Variants in PPFIA1 observed in about 807,000 individuals in gnomAD.
PPFIA1 encodes the protein liprin-alpha-1.
A neutral mutation model predicts 149.9 loss-of-function variants in PPFIA1; 25 were observed. The observed-to-expected ratio is 0.17, with a 90% CI of 0.12 to 0.23. The LOEUF (loss-of-function observed/expected upper bound fraction) is 0.23, where lower values mean the gene tolerates loss of function less well. PPFIA1 is among the 10% of genes least tolerant of loss of function. The pLI, the probability that PPFIA1 is intolerant of heterozygous loss-of-function variation, is 1.00. For missense variants in PPFIA1, 1,362 were observed against 1,506.5 expected, an observed-to-expected ratio of 0.90 and a Z score of 1.59; for synonymous variants, 549 against 552.8, an observed-to-expected ratio of 0.99 and a Z score of 0.10.
chr11:70,317,412 A>G (rs35902797), intron 2 of PPFIA1, among the ~76,000 whole-genome samples: 2,141 of 152,286 alleles, frequency 0.014, 22 homozygotes, highest in Non-Finnish European at 0.023. Flanking sequence ...GCAGAGAGAA[A>G]GGTTTTTTTC....
intron 2 of PPFIA1, among the ~76,000 whole-genome samples, chr11:70,283,059 T>C (rs60197999): frequency 0.22 from 33,113 of 149,970 alleles, 5,528 homozygotes; most frequent in African/African-American, 0.47. Flanking sequence ...AGGCTAGTCT[T>C]GAACTTCTGA....
intron 2 of PPFIA1, among the ~76,000 whole-genome samples, chr11:70,293,272 C>CCAGAA (rs988791782): frequency 6.6e-6 from 1 of 152,184 alleles, no homozygotes; most frequent in African/African-American, 2.4e-5. Context: ...TCCCCTTCTT[C>CCAGAA]ATTGCTTTTT....
At chr11:70,336,309 C>T (rs1177193492) in intron 11 of PPFIA1, among the ~76,000 whole-genome samples, 1 of 152,166 alleles carries the variant, frequency 6.6e-6, no homozygotes, top group East Asian at 1.9e-4. Context: ...CAAGACCAGC[C>T]TGGCCAACAT....
chr11:70,355,241 C>T (rs892255520), intron 17 of PPFIA1, among the ~76,000 whole-genome samples: 2 of 152,090 alleles, frequency 1.3e-5, no homozygotes, highest in Non-Finnish European at 2.9e-5. Context: ...GGTTCTGTGC[C>T]AGGCAATATG....
intron 2 of PPFIA1, among the ~76,000 whole-genome samples, chr11:70,295,501 T>TG (rs1298837154): frequency 3.8e-5 from 2 of 52,824 alleles, no homozygotes; most frequent in East Asian, 8.5e-4. Context: ...GCTGGCCGGG[T>TG]GGGGGGGCTG....
At chr11:70,315,061 C>T (rs2053518709) in intron 2 of PPFIA1, among the ~76,000 whole-genome samples, 2 of 152,298 alleles carry the variant, frequency 1.3e-5, no homozygotes, top group Admixed American at 6.5e-5. Context: ...GGTAACCGCC[C>T]TCATGATCCA....
intron 9 of PPFIA1, 137 bp from the exon 10 acceptor site, chr11:70,333,333 A>G: frequency 1.4e-6 from 1 of 705,432 alleles, no homozygotes. Context: ...GTGTTGATGG[A>G]TGAGTACATG....
rs555189414 is a variant in PPFIA1 at position 70,320,702 on chromosome 11, G to C, written c.265-3700G>C. ...TCCTCCAACCTTGGCCTCCCAAAGT[G>C]CTGAGATTACAGGCAAGAGCCACCA... is the stretch of plus-strand genomic sequence containing the variant. On this transcript the variant is annotated intron_variant, in intron 2 of 27. Coordinates refer to ENST00000253925, the MANE Select transcript of PPFIA1 (RefSeq NM_003626.5). Among the ~76,000 whole-genome samples the C allele has an allele frequency of 1.1e-3, 166 of 152,296 alleles. 1 individual carries two copies. The highest frequency in any genetic ancestry group is 2.7e-3 in the Admixed American group (42 of 15,296).
intron 21 of PPFIA1, among the ~76,000 whole-genome samples, chr11:70,369,616 T>C (rs2057128627): frequency 6.6e-6 from 1 of 152,228 alleles, no homozygotes; most frequent in Non-Finnish European, 1.5e-5. Flanking sequence ...CTTTTTTGTA[T>C]GTTAGAAGAT....
chr11:70,326,793 C>A lies in PPFIA1; in HGVS notation c.905C>A (p.Thr302Lys), dbSNP rs780296014. ...CTCATCAAATCTGAAGAAATGAACA[C>A]AAAATTGCAACGAGATGTCCGTGAA... is the stretch of plus-strand genomic sequence containing the variant. ...KDLIKSEEMN[T>K]KLQRDVREAM... Residue 302 changes from threonine to lysine, a missense_variant, in exon 7 of 28, where the codon ACA becomes AAA. By Grantham distance (78) the Thr-to-Lys change is moderately conservative. Around this residue, in one of 7 missense-constraint regions of PPFIA1, gnomAD observed 733 missense variants for 744.1 expected, o/e 0.99. Coordinates refer to ENST00000253925, the MANE Select transcript of PPFIA1 (RefSeq NM_003626.5). 1 of 1,613,938 alleles carries A rather than the reference C, an allele frequency of 6.2e-7. No individual in the cohort carries two copies. Among genetic ancestry groups the A allele is most frequent in the South Asian group, 1.1e-5 (1 of 91,066 alleles).
At chr11:70,289,237 C>G (rs953405131) in intron 2 of PPFIA1, among the ~76,000 whole-genome samples, 1 of 152,042 alleles carries the variant, frequency 6.6e-6, no homozygotes, top group Non-Finnish European at 1.5e-5. Context: ...TCCCAAAGTG[C>G]TGGGATTGCA....
intron 11 of PPFIA1, among the ~76,000 whole-genome samples, chr11:70,336,609 T>A (rs947283077): frequency 2.0e-5 from 3 of 152,200 alleles, no homozygotes; most frequent in African/African-American, 7.2e-5. Context: ...AAATAAATAT[T>A]CCAACCTCTA....
intron 19 of PPFIA1, among the ~76,000 whole-genome samples, chr11:70,360,682 C>A (rs1332401463): frequency 6.6e-6 from 1 of 152,264 alleles, no homozygotes; most frequent in African/African-American, 2.4e-5. Context: ...CCCTTCCTCC[C>A]AACCTCTTCA....
chr11:70,367,953 G>A (rs1401635347), intron 21 of PPFIA1, among the ~76,000 whole-genome samples: 1 of 152,056 alleles, frequency 6.6e-6, no homozygotes. Context: ...CCTGGGCAAC[G>A]TGGGGAAACC....
At chr11:70,371,078 TC>T (rs1016849124) in intron 21 of PPFIA1, among the ~76,000 whole-genome samples, 5 of 152,124 alleles carry the variant, frequency 3.3e-5, no homozygotes, top group African/African-American at 1.2e-4. Context: ...GTTGCAGTGA[TC>T]CGAGGTCGCG....
At chr11:70,357,086 A>G (rs2137392997) in intron 19 of PPFIA1, among the ~76,000 whole-genome samples, 1 of 152,336 alleles carries the variant, frequency 6.6e-6, no homozygotes, top group Middle Eastern at 3.4e-3. Flanking sequence ...AAGTGAGCCA[A>G]CAAATGTAGA....
chr11:70,348,151 C>A (rs2055831574), intron 15 of PPFIA1, 38 bp from the exon 16 acceptor site: 2 of 1,586,112 alleles, frequency 1.3e-6, no homozygotes, highest in African/African-American at 2.7e-5. Flanking sequence ...AATCTGTTTG[C>A]CGAAACAGGA....
chr11:70,330,407 C>A, intron 8 of PPFIA1, 88 bp downstream of exon 8: 1 of 1,216,452 alleles, frequency 8.2e-7, no homozygotes, highest in Non-Finnish European at 1.1e-6. Flanking sequence ...TGTTGGAAAT[C>A]AAGTCCAAAT....
chr11:70,383,445 A>G lies in PPFIA1; in HGVS notation c.*455A>G, dbSNP rs189507148. ...GATTTTACGTTTATAAAATTATGACAGAAGCCATGTGCATTATCCTTTACG... is the reference window on the plus strand; with the variant it reads ...GATTTTACGTTTATAAAATTATGACGGAAGCCATGTGCATTATCCTTTACG... On this transcript the variant is annotated 3_prime_UTR_variant, in exon 28 of 28. Coordinates refer to ENST00000253925, the MANE Select transcript of PPFIA1 (RefSeq NM_003626.5). 1 of 179,608 alleles carries G rather than the reference A, an allele frequency of 5.6e-6. No individual in the cohort carries two copies. Among genetic ancestry groups the G allele is most frequent in the East Asian group, 1.8e-4 (1 of 5,426 alleles). 11.1% of individuals were successfully genotyped at this position (179,608 alleles called of 1,614,324 possible). A position where few individuals can be genotyped will look rare whatever the true frequency, so the allele number is the denominator to read the frequency against.
Sources: gnomAD v4.1 joint callset for allele counts (sites outside exome capture counted in the v4.1 genomes callset) on GRCh38, gnomAD v4.1.1 for gene constraint, gnomAD v4.1.1 regional missense constraint, MANE v1.5 for transcripts, NCBI Gene and HGNC (gene_info 2026-07-23, HGNC 2026-07-21) for gene names.